Variants in SHOX observed in about 807,000 individuals in gnomAD.
SHOX encodes short stature homeobox protein.
SHOX carries 12 observed loss-of-function variants against 29.6 expected under a neutral mutation model. The observed-to-expected ratio is 0.41, with a 90% CI of 0.26 to 0.66. SHOX has a LOEUF of 0.66. SHOX is among the 30% of genes least tolerant of loss of function. The pLI, the probability that SHOX is intolerant of heterozygous loss-of-function variation, is 0.35. For missense variants in SHOX, 499 were observed against 437.7 expected (o/e 1.14, Z -1.25); for synonymous variants, 214 against 200.6 (o/e 1.07, Z -0.57).
At chrX:631,867 C>T (rs1295998968) in intron 1 of SHOX, 9 of 455,758 alleles carry the variant, frequency 2.0e-5, no homozygotes, top group African/African-American at 1.6e-4. Context: ...GTTTCTGTCT[C>T]TGCCTGTCTG....
At chrX:628,362 CCTGT>C (rs2052580344), upstream of SHOX, among the ~76,000 whole-genome samples, 4 of 138,836 alleles carry the variant, frequency 2.9e-5, no homozygotes, top group Admixed American at 7.3e-5. Flanking sequence ...TCTGTCTCTC[CCTGT>C]CTGTTTCTCT....
intron 2 of SHOX, among the ~76,000 whole-genome samples, chrX:637,995 A>G (rs1012561735): frequency 6.6e-6 from 1 of 152,218 alleles, no homozygotes; most frequent in African/African-American, 2.4e-5. Flanking sequence ...TTTAATTACA[A>G]CAAATATCTT....
intron 4 of SHOX, 82 bp from the exon 5 acceptor site, chrX:644,309 T>G: frequency 7.0e-7 from 1 of 1,434,724 alleles, no homozygotes. Flanking sequence ...AGAGGCACGT[T>G]GGAGGTTTCC....
At chrX:655,640 A>AG (rs2053136697), downstream of SHOX, among the ~76,000 whole-genome samples, 1 of 103,554 alleles carries the variant, frequency 9.7e-6, no homozygotes, top group Non-Finnish European at 2.1e-5. Flanking sequence ...ATATATATAT[A>AG]TATATATATA....
rs1174545454 is a variant in SHOX, at chrX:650,756, G to A, written c.*6120G>A. Among the ~76,000 whole-genome samples the A allele has an allele frequency of 2.1e-5, 3 of 143,196 alleles. No homozygotes were observed. Among genetic ancestry groups the A allele is most frequent in the Non-Finnish European group, 4.5e-5 (3 of 66,272 alleles). The allele number at this position is 143,196 out of a possible 152,430, so 93.9% of individuals were successfully genotyped here. ...GTCTCCTCCAGCTTTGGGAGGTCTGGGGAGGAGAGAGGCTTTCGGTGGACA... is the reference window on the plus strand; with the variant it reads ...GTCTCCTCCAGCTTTGGGAGGTCTGAGGAGGAGAGAGGCTTTCGGTGGACA... On this transcript the variant is annotated 3_prime_UTR_variant, in exon 5 of 5. Coordinates refer to ENST00000686671, the MANE Select transcript of SHOX (RefSeq NM_000451.4).
downstream of SHOX, among the ~76,000 whole-genome samples, chrX:655,602 CTCTCTCTCTCTCTATATATATATA>C (rs1364434046): frequency 6.6e-3 from 284 of 43,268 alleles, no homozygotes; most frequent in Admixed American, 0.013. Flanking sequence ...CTCTCTCTCT[CTCTCTCTCTCTCTATATATATATA>C]TATATATATA....
chrX:650,305 C>G lies in SHOX; in HGVS notation c.*5669C>G, dbSNP rs1365307289. ...GGAGGCCTTTGGGCCGCTCCAAAGA[C>G]GCCCTGTCGTAGGAATGGCCTCTCC... On this transcript the variant is annotated 3_prime_UTR_variant, in exon 5 of 5. Transcript: ENST00000686671. 1.3e-5 allele frequency among the ~76,000 whole-genome samples: 2 copies of G among 151,458 alleles called. No individual in the cohort carries two copies. The highest frequency in any genetic ancestry group is 2.9e-5 in the Non-Finnish European group (2 of 67,934).
Position 649,739 on chromosome X carries a change from G to C in SHOX, c.*5103G>C, listed in dbSNP as rs915669873. On this transcript the variant is annotated 3_prime_UTR_variant, in exon 5 of 5. Coordinates refer to ENST00000686671, the MANE Select transcript of SHOX (RefSeq NM_000451.4). ...CACTGATAGGAACACGTTGCTGGCC[G>C]AACTGAACGATGCTGGGTTGGGTCC... Among the ~76,000 whole-genome samples, 1 of 152,136 alleles carries C rather than the reference G, an allele frequency of 6.6e-6. No homozygotes were observed.
intron 2 of SHOX, among the ~76,000 whole-genome samples, chrX:635,304 T>TA (rs751627014): frequency 0.023 from 3,524 of 151,368 alleles, 65 homozygotes; most frequent in African/African-American, 0.045. Context: ...ATTTTTCATT[T>TA]AAAAAAAAAT....
chrX:644,639 C>G lies in SHOX; in HGVS notation c.*3C>G. 6.8e-7 allele frequency: 1 copy of G among 1,470,230 alleles called. No homozygotes were observed. Among genetic ancestry groups the G allele is most frequent in the Non-Finnish European group, 8.9e-7 (1 of 1,118,778 alleles). 91.1% of individuals were successfully genotyped at this position (1,470,230 alleles called of 1,614,324 possible). ...ACGCGGAGGCCCTGGGGCTCTGACC[C>G]GCCGCGCAGCCCCCCGCGCGCCCGG... On this transcript the variant is annotated 3_prime_UTR_variant, in exon 5 of 5. Coordinates refer to ENST00000686671, the MANE Select transcript of SHOX (RefSeq NM_000451.4).
At position 630,894 on chromosome X, in the gene SHOX, A is replaced by G; in HGVS notation, c.-4A>G. Reference sequence around the variant, plus strand: ...CCGGCTGCTCGCCAGCCCCGGCCCCAGCCATGGAAGAGCTCACGGCTTTTG... The same window carrying G: ...CCGGCTGCTCGCCAGCCCCGGCCCCGGCCATGGAAGAGCTCACGGCTTTTG... On this transcript the variant is annotated 5_prime_UTR_variant, in exon 1 of 5. Coordinates refer to ENST00000686671, the MANE Select transcript of SHOX (RefSeq NM_000451.4). The G allele has an allele frequency of 3.7e-6, 6 of 1,613,036 alleles. No homozygotes were observed. The highest frequency in any genetic ancestry group is 5.1e-6 in the Non-Finnish European group (6 of 1,179,814).
In SHOX at chrX:658,722, A is replaced by G. The variant is rs75313275; in HGVS notation, c.634-63A>G. The G allele has an allele frequency of 0.25, 74,746 of 297,650 alleles. 11,116 individuals are homozygous for G. The highest frequency in any genetic ancestry group is 0.31 in the Non-Finnish European group (44,536 of 144,390). The allele number at this position is 297,650 out of a possible 1,614,324, so 18.4% of individuals were successfully genotyped here. ...CCTGACCTCATGATCCGTCCGCCTCAGCCTCCCAAAGTGCTGGGACTACAG... is the reference window on the plus strand; with the variant it reads ...CCTGACCTCATGATCCGTCCGCCTCGGCCTCCCAAAGTGCTGGGACTACAG... On this transcript the variant is annotated intron_variant, in intron 5 of 5. Coordinates refer to the SHOX transcript ENST00000334060.
intron 4 of SHOX, among the ~76,000 whole-genome samples, chrX:641,679 C>T (rs747076619): frequency 1.2e-4 from 13 of 105,982 alleles, no homozygotes; most frequent in African/African-American, 1.8e-4. Context: ...GACTCCAAGA[C>T]TCCATCTCAA....
Position 646,691 on chromosome X carries a change from G to C in SHOX, c.*2055G>C, listed in dbSNP as rs749247044. ...CCTTCAACATTTTTTATGTCAAAAT[G>C]TTACAACCGCTGTAAAATGACGGAG... On this transcript the variant is annotated 3_prime_UTR_variant, in exon 5 of 5. Transcript: ENST00000686671. 6.6e-5 allele frequency: 10 copies of C among 151,836 alleles called. No homozygotes were observed. The highest frequency in any genetic ancestry group is 1.0e-4 in the Non-Finnish European group (7 of 67,986). The allele number at this position is 151,836 out of a possible 1,614,324, so 9.4% of individuals were successfully genotyped here. A position where few individuals can be genotyped will look rare whatever the true frequency, so the allele number is the denominator to read the frequency against.
At chrX:657,649 G>A (rs1429510307) in intron 5 of SHOX, among the ~76,000 whole-genome samples, 2 of 152,168 alleles carry the variant, frequency 1.3e-5, no homozygotes, top group Non-Finnish European at 2.9e-5. Context: ...TTGGCCATAT[G>A]CAAAGATGTA....
At chrX:632,075 C>T (rs2052661042) in intron 1 of SHOX, 2 of 447,006 alleles carry the variant, frequency 4.5e-6, no homozygotes, top group African/African-American at 4.0e-5. Flanking sequence ...CTTTGAACGT[C>T]GAGGCTTGAT....
exon 6 of SHOX, chrX:658,817 TATA>T (rs2053185598): frequency 2.5e-6 from 1 of 398,872 alleles, no homozygotes; most frequent in Admixed American, 2.7e-5. Context: ...CGGGCTGGAG[TATA>T]ATGGCATGAT....
intron 1 of SHOX, among the ~76,000 whole-genome samples, chrX:625,709 ATCTCTG>A (rs1196047641): frequency 0.32 from 14,545 of 46,172 alleles, 2,301 homozygotes; most frequent in African/African-American, 0.55. Flanking sequence ...CTCTCTTTCT[ATCTCTG>A]TCTCTCTCTC....
intron 1 of SHOX, among the ~76,000 whole-genome samples, chrX:625,089 C>G (rs2052496363): frequency 1.4e-5 from 2 of 138,642 alleles, no homozygotes; most frequent in African/African-American, 5.4e-5. Flanking sequence ...CTCCCTCCCT[C>G]CCTCCTTCCC....
Sources: allele counts gnomAD v4.1 joint callset (sites outside exome capture counted in the v4.1 genomes callset), GRCh38; gene constraint gnomAD v4.1.1; transcripts MANE v1.5; gene names NCBI Gene and HGNC (gene_info 2026-07-23, HGNC 2026-07-21).